The following PGD variants were observed in gnomAD, a reference collection of about 807,000 sequenced individuals.
The protein encoded by PGD is 6-phosphogluconate dehydrogenase, decarboxylating.
PGD carries 21 observed loss-of-function variants against 60.4 expected under a neutral mutation model. The observed-to-expected ratio is 0.35, with a 90% CI of 0.25 to 0.50. The LOEUF is 0.50. Ranked by LOEUF, PGD falls within the 20% of genes least tolerant of loss-of-function variation. The probability of loss-of-function intolerance (pLI) is 0.98; values close to 1 mark genes in which losing one functional copy is unlikely to be tolerated. For synonymous variants in PGD, 230 were observed against 235.9 expected, an observed-to-expected ratio of 0.97 and a Z score of 0.23; for missense variants, 477 against 613.1, an observed-to-expected ratio of 0.78 and a Z score of 2.34.
At position 10,418,895 on chromosome 1, in the gene PGD, C is replaced by T; in HGVS notation, c.1179C>T (p.Asp393=). 6.2e-7 allele frequency: 1 copy of T among 1,611,130 alleles called. No individual in the cohort carries two copies. Among genetic ancestry groups the T allele is most frequent in the East Asian group, 2.2e-5 (1 of 44,868 alleles). The change falls in exon 11 of 13, where the codon GAC becomes GAT. Residue 393 remains aspartate (D), a synonymous_variant. Transcript: ENST00000270776. ...NPELQNLLLD[D]FFKSAVENCQ... ...AACTTCAGAACCTCCTACTGGACGA[C>T]TTCTTTAAGTCAGCTGTTGAAAACT...
rs113966481 is a variant in PGD, at chr1:10,399,242, C to A, written c.8+117C>A. 8,618 of 1,207,490 alleles carry A rather than the reference C, an allele frequency of 7.1e-3. 488 individuals carry two copies. The African/African-American group carries it at 0.11, about 16-fold the overall frequency. 74.8% of individuals were successfully genotyped at this position (1,207,490 alleles called of 1,614,324 possible). A position where few individuals can be genotyped will look rare whatever the true frequency, so the allele number is the denominator to read the frequency against. On this transcript the variant is annotated intron_variant, in intron 1 of 12. Transcript: ENST00000270776. ...CCACCCTGGGGGTCGCCTGAGCTCA[C>A]TTGGGGCTCTGTGACCCTGGCCCTA...
chr1:10,405,442 G>T (rs1402399984), intron 5 of PGD, among the ~76,000 whole-genome samples: 3 of 117,014 alleles, frequency 2.6e-5, no homozygotes, highest in African/African-American at 9.6e-5. Context: ...ATAAATAATT[G>T]TGGGCAATCC....
chr1:10,410,672 A>G (rs1639485265), intron 6 of PGD, among the ~76,000 whole-genome samples: 1 of 151,710 alleles, frequency 6.6e-6, no homozygotes, highest in African/African-American at 2.4e-5. Context: ...CAACTAAATA[A>G]TTTTCGGATA....
intron 5 of PGD, among the ~76,000 whole-genome samples, chr1:10,404,719 C>G (rs982601229): frequency 6.6e-6 from 1 of 152,092 alleles, no homozygotes; most frequent in Non-Finnish European, 1.5e-5. Flanking sequence ...TGGGTGGTCT[C>G]GAACTCCTGA....
At chr1:10,411,650 C>A in intron 7 of PGD, 98 bp downstream of exon 7, 2 of 1,413,274 alleles carry the variant, frequency 1.4e-6, no homozygotes, top group Admixed American at 1.9e-5. Flanking sequence ...CTTGGCCATT[C>A]GGGTGGCCTG....
At position 10,419,437 on chromosome 1, in the gene PGD, C is replaced by T. The variant is rs765070419; in HGVS notation, c.1230C>T (p.Val410=). ...CTCAGGACTCCTGGCGGCGGGCAGT[C>T]AGCACTGGGGTCCAGGCTGGCATTC... ...ENCQDSWRRA[V]STGVQAGIPM... Residue 410 remains valine (V), a synonymous_variant, in exon 12 of 13, where the codon GTC becomes GTT. Transcript: ENST00000270776. 6.2e-7 allele frequency: 1 copy of T among 1,613,820 alleles called. No homozygotes were observed. Among genetic ancestry groups the T allele is most frequent in the African/African-American group, 1.3e-5 (1 of 74,942 alleles).
chr1:10,404,372 G>A (rs1457189531), intron 5 of PGD, 93 bp downstream of exon 5: 2 of 676,232 alleles, frequency 3.0e-6, no homozygotes, highest in Non-Finnish European at 4.8e-6. Context: ...CCTGATCTCT[G>A]TGGTGCCCTG....
chr1:10,399,242 C>T, intron 1 of PGD, 117 bp downstream of exon 1: 1 of 1,207,510 alleles, frequency 8.3e-7, no homozygotes, highest in East Asian at 2.5e-5. Context: ...CCTGAGCTCA[C>T]TTGGGGCTCT....
intron 6 of PGD, among the ~76,000 whole-genome samples, chr1:10,409,425 A>AGG (rs1271769932): frequency 6.6e-6 from 1 of 152,108 alleles, no homozygotes; most frequent in Admixed American, 6.6e-5. Flanking sequence ...AGGATTGGAA[A>AGG]GGGACCTCTG....
chr1:10,408,178 A>C, intron 6 of PGD, 38 bp downstream of exon 6: 1 of 1,171,660 alleles, frequency 8.5e-7, no homozygotes, highest in Non-Finnish European at 1.3e-6. Flanking sequence ...AATTGGCAAC[A>C]TGGGCGTGTC....
Position 10,400,450 on chromosome 1 carries a change from A to G in PGD, c.142A>G (p.Lys48Glu). 1 of 1,613,980 alleles carries G rather than the reference A, an allele frequency of 6.2e-7. No individual in the cohort carries two copies. Among genetic ancestry groups the G allele is most frequent in the Admixed American group, 1.7e-5 (1 of 59,994 alleles). The change falls in exon 3 of 13, where the codon AAG becomes GAG. Residue 48 changes from lysine to glutamate, a missense_variant. Coordinates refer to ENST00000270776, the MANE Select transcript of PGD (RefSeq NM_002631.4). ...TGATGATTTCTTGGCCAATGAGGCAAAGGGAACCAAAGTGGTGGGTGCCCA... is the reference window on the plus strand; with the variant it reads ...TGATGATTTCTTGGCCAATGAGGCAGAGGGAACCAAAGTGGTGGGTGCCCA... Reference protein sequence around the residue: ...KVDDFLANEAKGTKVVGAQSL... With the variant: ...KVDDFLANEAEGTKVVGAQSL...
At position 10,419,689 on chromosome 1, in the gene PGD, T is replaced by C. The variant is rs757582041; in HGVS notation, c.1392T>C (p.Phe464=). 4 of 1,614,090 alleles carry C rather than the reference T, an allele frequency of 2.5e-6. No individual in the cohort carries two copies. In the African/African-American group the frequency reaches 4.0e-5, roughly 16 times the overall value. ...TYELLAKPGQ[F]IHTNWTGHGG... is the part of the protein sequence containing the mutation. ...AACTCTTGGCCAAACCAGGGCAGTTTATCCACACCAACTGGACAGGCCATG... is the reference window on the plus strand; with the variant it reads ...AACTCTTGGCCAAACCAGGGCAGTTCATCCACACCAACTGGACAGGCCATG... Residue 464 remains phenylalanine (F), a synonymous_variant, in exon 13 of 13, where the codon TTT becomes TTC. Coordinates refer to ENST00000270776, the MANE Select transcript of PGD (RefSeq NM_002631.4).
At chr1:10,404,384 G>C in intron 5 of PGD, 105 bp downstream of exon 5, 1 of 590,408 alleles carries the variant, frequency 1.7e-6, no homozygotes, top group Non-Finnish European at 2.9e-6. Context: ...GGTGCCCTGA[G>C]TGTGACAGCT....
Position 10,400,475 on chromosome 1 carries a change from A to G in PGD, c.167A>G (p.Gln56Arg), listed in dbSNP as rs1303872668. 5.6e-6 allele frequency: 9 copies of G among 1,613,850 alleles called. No individual in the cohort carries two copies. Among genetic ancestry groups the G allele is most frequent in the Non-Finnish European group, 7.6e-6 (9 of 1,179,908 alleles). ...EAKGTKVVGA[Q>R]SLKEMVSKLK... The stretch of plus-strand genomic sequence containing the variant: ...AAGGGAACCAAAGTGGTGGGTGCCC[A>G]GTCCCTGAAAGAGATGGTCTCCAAG... The change falls in exon 3 of 13, where the codon CAG becomes CGG. Residue 56 changes from glutamine (Q) to arginine (R), a missense_variant. Gln to Arg is a conservative substitution (Grantham distance 43). Around this residue, in one of 3 missense-constraint regions of PGD, gnomAD observed 431 missense variants for 556.6 expected, o/e 0.77. Coordinates refer to ENST00000270776, the MANE Select transcript of PGD (RefSeq NM_002631.4).
intron 7 of PGD, 85 bp from the exon 8 acceptor site, chr1:10,412,977 T>C (rs1639523583): frequency 1.7e-6 from 2 of 1,155,066 alleles, no homozygotes; most frequent in South Asian, 1.4e-5. Context: ...ACCGTGAGCA[T>C]TGGTCAGCGT....
Position 10,417,137 on chromosome 1 carries a change from A to T in PGD, c.975+20A>T, listed in dbSNP as rs767924147. The T allele has an allele frequency of 6.2e-7, 1 of 1,613,128 alleles. No homozygotes were observed. Among genetic ancestry groups the T allele is most frequent in the Non-Finnish European group, 8.5e-7 (1 of 1,179,372 alleles). On this transcript the variant is annotated intron_variant, in intron 9 of 12. Coordinates refer to ENST00000270776, the MANE Select transcript of PGD (RefSeq NM_002631.4). ...CGGAAGGTGGGACACAGTCCCTGGC[A>T]GTGGTCTTTGTTGGTCCTGCGGAAG...
rs1457577486 is a variant in PGD, at chr1:10,419,865, A to G, written c.*116A>G. 1.6e-6 allele frequency: 2 copies of G among 1,231,046 alleles called. No homozygotes were observed. Among genetic ancestry groups the G allele is most frequent in the Non-Finnish European group, 2.3e-6 (2 of 867,440 alleles). 76.3% of individuals were successfully genotyped at this position (1,231,046 alleles called of 1,614,324 possible). ...CTGTTCAGTTTTTTAAAAGTGTTGT[A>G]AGAGACTCCTGAGGAAGACACACAG... On this transcript the variant is annotated 3_prime_UTR_variant, in exon 13 of 13. Coordinates refer to ENST00000270776, the MANE Select transcript of PGD (RefSeq NM_002631.4).
chr1:10,401,748 G>A (rs1639319304), intron 3 of PGD, among the ~76,000 whole-genome samples: 2 of 152,216 alleles, frequency 1.3e-5, no homozygotes, highest in Admixed American at 1.3e-4. Flanking sequence ...GGGCGCGGTG[G>A]CTCACGCCTG....
At chr1:10,404,124 C>T (rs770073479) in intron 4 of PGD, 37 bp from the exon 5 acceptor site, 16 of 1,390,620 alleles carry the variant, frequency 1.2e-5, no homozygotes, top group East Asian at 4.6e-5. Flanking sequence ...CATAATGAAA[C>T]ATGGAAGCAT....
Sources: gnomAD v4.1 joint callset for allele counts (sites outside exome capture counted in the v4.1 genomes callset) on GRCh38, gnomAD v4.1.1 for gene constraint, gnomAD v4.1.1 regional missense constraint, MANE v1.5 for transcripts, NCBI Gene and HGNC (gene_info 2026-07-23, HGNC 2026-07-21) for gene names.